RALGDS: variants seen among roughly 807,000 people sequenced by gnomAD.
RALGDS encodes ral guanine nucleotide exchange factor.
RALGDS carries 44 observed loss-of-function variants against 99.8 expected under a neutral mutation model. That is an observed-to-expected ratio of 0.44 (90% CI 0.35 to 0.57). RALGDS has a LOEUF of 0.57. Among genes scored for constraint, RALGDS ranks in the 20% least tolerant of loss-of-function variants. The probability of loss-of-function intolerance (pLI) is 0.01; values close to 1 mark genes in which losing one functional copy is unlikely to be tolerated. For missense variants in RALGDS, 1,022 were observed against 1,203.1 expected (o/e 0.85, Z 2.23); for synonymous variants, 529 against 505.0 (o/e 1.05, Z -0.64).
intron 1 of RALGDS, among the ~76,000 whole-genome samples, chr9:133,128,013 C>T (rs1276351872): frequency 1.3e-5 from 2 of 152,186 alleles, no homozygotes; most frequent in Non-Finnish European, 2.9e-5. Flanking sequence ...TGGGTACACC[C>T]CCGGCATATT....
chr9:133,100,007 T>C, intron 17 of RALGDS: 1 of 546,962 alleles, frequency 1.8e-6, no homozygotes, highest in East Asian at 3.2e-5. Flanking sequence ...CCTGTCCCAG[T>C]GAAAAATGCC....
Position 133,120,667 on chromosome 9 carries a change from C to A in RALGDS, c.183+305G>T, listed in dbSNP as rs73558458. Among the ~76,000 whole-genome samples, 625 of 152,330 alleles carry A rather than the reference C, an allele frequency of 4.1e-3. 2 individuals carry two copies. Among genetic ancestry groups the A allele is most frequent in the African/African-American group, 0.011 (473 of 41,570 alleles). Reference sequence around the variant, plus strand: ...GCCACCGATGTAAACAGGGACAGTGCCGCAGAAAAAGGTCCACCTGGGCTG... The same window carrying A: ...GCCACCGATGTAAACAGGGACAGTGACGCAGAAAAAGGTCCACCTGGGCTG... On this transcript the variant is annotated intron_variant, in intron 1 of 17. Coordinates refer to ENST00000372050, the MANE Select transcript of RALGDS (RefSeq NM_006266.4).
chr9:133,110,232 C>A, intron 3 of RALGDS, 64 bp downstream of exon 3: 1 of 1,512,494 alleles, frequency 6.6e-7, no homozygotes, highest in Middle Eastern at 1.7e-4. Flanking sequence ...CCAAGACCCG[C>A]AGCCAGGTGG....
At chr9:133,110,164 C>T (rs1358245846) in intron 3 of RALGDS, 132 bp downstream of exon 3, 1 of 959,746 alleles carries the variant, frequency 1.0e-6, no homozygotes, top group African/African-American at 1.6e-5. Flanking sequence ...GTCCTCTTAG[C>T]ACTCCAGTTT....
At chr9:133,120,428 A>ACCCCCCCCCCCCCCCCCCCCCC (rs71378548) in intron 1 of RALGDS, among the ~76,000 whole-genome samples, 5 of 59,994 alleles carry the variant, frequency 8.3e-5, no homozygotes, top group African/African-American at 1.3e-4. Context: ...CCATCCCCCG[A>ACCCCCCCCCCCCCCCCCCCCCC]CCCCCCCCCC....
chr9:133,101,067 G>A (rs1830732001), intron 16 of RALGDS: 2 of 1,102,070 alleles, frequency 1.8e-6, no homozygotes, highest in Non-Finnish European at 2.2e-6. Flanking sequence ...TCCAAATCCT[G>A]TCTAGACTCT....
At chr9:133,103,305 G>A in intron 11 of RALGDS, 43 bp from the exon 12 acceptor site, 11 of 1,611,792 alleles carry the variant, frequency 6.8e-6, no homozygotes, top group Non-Finnish European at 9.3e-6. Context: ...GTGACCCCTT[G>A]ACCATTACAG....
chr9:133,125,461 CA>C (rs764298910), upstream of RALGDS, among the ~76,000 whole-genome samples: 13 of 152,174 alleles, frequency 8.5e-5, no homozygotes, highest in Non-Finnish European at 1.8e-4. Context: ...TGGCCAGACG[CA>C]GTGGCTCACG....
At chr9:133,101,827 G>A (rs1195537958) in intron 15 of RALGDS, 65 bp from the exon 16 acceptor site, 19 of 1,555,606 alleles carry the variant, frequency 1.2e-5, no homozygotes, top group Admixed American at 2.0e-5. Flanking sequence ...CCAGCTGCCA[G>A]ATGGGGAACC....
At chr9:133,126,909 C>G (rs1832179870) in intron 1 of RALGDS, among the ~76,000 whole-genome samples, 1 of 152,222 alleles carries the variant, frequency 6.6e-6, no homozygotes, top group Non-Finnish European at 1.5e-5. Context: ...TCTGTGGTCC[C>G]TCTTCTCCCT....
At chr9:133,115,201 G>C (rs1255131423) in intron 1 of RALGDS, among the ~76,000 whole-genome samples, 1 of 152,198 alleles carries the variant, frequency 6.6e-6, no homozygotes, top group Non-Finnish European at 1.5e-5. Context: ...TCAGCCTTCT[G>C]GTGCAGCTCC....
At chr9:133,109,449 C>T (rs1035805445) in intron 4 of RALGDS, among the ~76,000 whole-genome samples, 177 bp downstream of exon 4, 2 of 152,212 alleles carry the variant, frequency 1.3e-5, no homozygotes, top group Non-Finnish European at 2.9e-5. Context: ...CCACAGCTCT[C>T]GGTCGTCTTT....
intron 1 of RALGDS, among the ~76,000 whole-genome samples, chr9:133,126,811 C>T (rs1458732421): frequency 3.3e-5 from 5 of 152,164 alleles, no homozygotes; most frequent in Admixed American, 6.5e-5. Context: ...CAGACGGAGG[C>T]GAGGAGCGAT....
chr9:133,129,107 C>G, intron 1 of RALGDS: 2 of 1,559,110 alleles, frequency 1.3e-6, no homozygotes, highest in Non-Finnish European at 1.7e-6. Flanking sequence ...AGCCCCTCCC[C>G]GGCAGAGGCA....
chr9:133,125,970 C>A (rs1048474727), upstream of RALGDS, among the ~76,000 whole-genome samples: 19 of 152,176 alleles, frequency 1.2e-4, no homozygotes, highest in African/African-American at 3.4e-4. Flanking sequence ...GAACCCGAGT[C>A]CGGATGCCCA....
chr9:133,107,615 C>T (rs1183417164), intron 6 of RALGDS, among the ~76,000 whole-genome samples: 2 of 152,268 alleles, frequency 1.3e-5, no homozygotes, highest in Middle Eastern at 3.4e-3. Flanking sequence ...TGTCCAGTGT[C>T]TGCCATAGGC....
upstream of RALGDS, among the ~76,000 whole-genome samples, chr9:133,132,943 G>T (rs375134239): frequency 1.4e-4 from 22 of 152,226 alleles, no homozygotes; most frequent in African/African-American, 5.3e-4. Context: ...GGCCAGAAGC[G>T]CTCAACTTTC....
In RALGDS at chr9:133,130,951, C is replaced by T; in HGVS notation, c.132+1G>A. On this transcript the variant is annotated splice_donor_variant, in intron 1 of 17. Transcript: ENST00000372062. LOFTEE classifies it high-confidence loss of function. ...GCCAAGAGTCTCAGCTACTTCCTTACCTTCCTGGGAACCTGGCCGGGTGGA... is the reference window on the plus strand; with the variant it reads ...GCCAAGAGTCTCAGCTACTTCCTTATCTTCCTGGGAACCTGGCCGGGTGGA... The T allele has an allele frequency of 6.5e-7, 1 of 1,534,814 alleles. No individual in the cohort carries two copies. Among genetic ancestry groups the T allele is most frequent in the Non-Finnish European group, 8.7e-7 (1 of 1,146,060 alleles).
At chr9:133,115,222 G>A (rs1743146020) in intron 1 of RALGDS, among the ~76,000 whole-genome samples, 1 of 152,178 alleles carries the variant, frequency 6.6e-6, no homozygotes, top group African/African-American at 2.4e-5. Context: ...GGACTCAGAC[G>A]CCTTTCCTTG....
Sources: gnomAD v4.1 joint callset for allele counts (sites outside exome capture counted in the v4.1 genomes callset) on GRCh38, gnomAD v4.1.1 for gene constraint, MANE v1.5 for transcripts, NCBI Gene and HGNC (gene_info 2026-07-23, HGNC 2026-07-21) for gene names.